Variants in SUPT3H observed in about 807,000 individuals in gnomAD.
SUPT3H encodes the protein transcription initiation protein SPT3 homolog.
Under a neutral mutation model 44.3 loss-of-function variants are expected in SUPT3H, and 44 were observed. The ratio of observed to expected loss-of-function variants is 0.99; its 90% CI spans 0.78 to 1.28. The LOEUF (loss-of-function observed/expected upper bound fraction) is 1.28, where lower values mean the gene tolerates loss of function less well. Ranked by LOEUF, SUPT3H falls within the 50% of genes most tolerant of loss-of-function variation. The pLI, the probability that SUPT3H is intolerant of heterozygous loss-of-function variation, is 0.00. For missense variants in SUPT3H, 380 were observed against 387.1 expected (o/e 0.98, Z 0.15); for synonymous variants, 124 against 125.6 (o/e 0.99, Z 0.09).
chr6:45,224,164 G>A (rs1201264654), intron 2 of SUPT3H, among the ~76,000 whole-genome samples: 5 of 151,476 alleles, frequency 3.3e-5, no homozygotes, highest in African/African-American at 1.2e-4. Flanking sequence ...AAATGTAAAT[G>A]TCATTAAAAC....
chr6:45,158,298 A>ATATATTTTTTT lies in SUPT3H; in HGVS notation c.102-52293_102-52292insAAAAAAATATA. 2.1e-3 allele frequency among the ~76,000 whole-genome samples: 205 copies of ATATATTTTTTT among 99,682 alleles called. 7 individuals carry two copies. Among genetic ancestry groups the ATATATTTTTTT allele is most frequent in the African/African-American group, 9.6e-3 (191 of 19,976 alleles). The allele number at this position is 99,682 out of a possible 152,430, so 65.4% of individuals were successfully genotyped here. ...TACATATATATATATATATATATAT[A>ATATATTTTTTT]TTTTTTTTTTTTTTTTTTTGAGATG... On this transcript the variant is annotated intron_variant, in intron 2 of 10. Transcript: ENST00000371459.
chr6:44,919,253 TG>T (rs1768272702), intron 10 of SUPT3H, among the ~76,000 whole-genome samples: 1 of 152,110 alleles, frequency 6.6e-6, no homozygotes, highest in South Asian at 2.1e-4. Flanking sequence ...AATAATGCCT[TG>T]GATCTTACCC....
At chr6:45,266,367 T>C (rs1775266726) in intron 2 of SUPT3H, among the ~76,000 whole-genome samples, 1 of 152,008 alleles carries the variant, frequency 6.6e-6, no homozygotes, top group South Asian at 2.1e-4. Context: ...AAATTTCTAA[T>C]GATTTCGTCA....
At chr6:44,855,532 G>C (rs984879659) in intron 10 of SUPT3H, among the ~76,000 whole-genome samples, 3 of 152,136 alleles carry the variant, frequency 2.0e-5, no homozygotes, top group Non-Finnish European at 4.4e-5. Flanking sequence ...GGTCTGAAAT[G>C]TGCCGTATTT....
intron 6 of SUPT3H, 120 bp downstream of exon 6, chr6:45,003,533 A>G: frequency 8.5e-7 from 1 of 1,179,460 alleles, no homozygotes; most frequent in Non-Finnish European, 1.2e-6. Flanking sequence ...CTGCCATCAG[A>G]CATAAAACCA....
chr6:45,322,051 T>A (rs969111364), intron 2 of SUPT3H, among the ~76,000 whole-genome samples: 3 of 152,116 alleles, frequency 2.0e-5, no homozygotes, highest in Non-Finnish European at 4.4e-5. Flanking sequence ...GAATCATGAA[T>A]AATTATCCAA....
intron 3 of SUPT3H, among the ~76,000 whole-genome samples, chr6:45,068,636 C>T (rs1793842200): frequency 6.6e-6 from 1 of 152,044 alleles, no homozygotes; most frequent in African/African-American, 2.4e-5. Context: ...AGTTTAGAAT[C>T]AATGTATATA....
At chr6:45,028,263 G>T (rs1468093503) in intron 3 of SUPT3H, among the ~76,000 whole-genome samples, 3 of 152,164 alleles carry the variant, frequency 2.0e-5, no homozygotes, top group Admixed American at 2.0e-4. Context: ...TGGCACAGGG[G>T]TAGCTAATGG....
intron 2 of SUPT3H, among the ~76,000 whole-genome samples, chr6:45,262,700 G>A (rs1383025580): frequency 6.6e-6 from 1 of 152,048 alleles, no homozygotes; most frequent in African/African-American, 2.4e-5. Flanking sequence ...ATTATCTGTA[G>A]AGCAAACAAT....
At chr6:45,124,437 C>T (rs1438514166) in intron 2 of SUPT3H, among the ~76,000 whole-genome samples, 5 of 151,646 alleles carry the variant, frequency 3.3e-5, no homozygotes, top group African/African-American at 4.8e-5. Flanking sequence ...TGAGGTCAGG[C>T]GTTCAAGACC....
intron 3 of SUPT3H, among the ~76,000 whole-genome samples, chr6:45,090,014 A>G (rs1388416628): frequency 6.6e-6 from 1 of 152,048 alleles, no homozygotes; most frequent in Non-Finnish European, 1.5e-5. Flanking sequence ...AACATTGCTC[A>G]TACAACTGGA....
intron 2 of SUPT3H, among the ~76,000 whole-genome samples, chr6:45,193,537 G>C (rs1300687797): frequency 6.6e-6 from 1 of 152,080 alleles, no homozygotes; most frequent in African/African-American, 2.4e-5. Flanking sequence ...ATTGAACAAA[G>C]TTGAGTAAAA....
chr6:45,200,490 C>G (rs1215135553), intron 2 of SUPT3H, among the ~76,000 whole-genome samples: 2 of 151,346 alleles, frequency 1.3e-5, no homozygotes, highest in African/African-American at 4.8e-5. Flanking sequence ...GATCCTAAAG[C>G]CTCATATTTT....
At chr6:45,150,719 C>CA (rs1806794709) in intron 2 of SUPT3H, among the ~76,000 whole-genome samples, 1 of 92,372 alleles carries the variant, frequency 1.1e-5, no homozygotes, top group East Asian at 3.0e-4. Context: ...CTTTATTCTG[C>CA]GTTTTTTTTT....
rs73738605 is a variant in SUPT3H, at chr6:45,126,629, A to C, written c.102-20623T>G. 6.0e-3 allele frequency among the ~76,000 whole-genome samples: 918 copies of C among 152,330 alleles called. 14 individuals are homozygous for C. Among genetic ancestry groups the C allele is most frequent in the African/African-American group, 0.021 (877 of 41,580 alleles). On this transcript the variant is annotated intron_variant, in intron 2 of 10. Coordinates refer to ENST00000371459, the MANE Select transcript of SUPT3H (RefSeq NM_003599.4). ...GGATTGATAATTAAGGGTTCCCCCAAAAGATATGAAGAACAGTGTTAGCGA... is the reference window on the plus strand; with the variant it reads ...GGATTGATAATTAAGGGTTCCCCCACAAGATATGAAGAACAGTGTTAGCGA...
chr6:45,208,744 A>C (rs1437551800), intron 2 of SUPT3H, among the ~76,000 whole-genome samples: 4 of 151,596 alleles, frequency 2.6e-5, no homozygotes, highest in Admixed American at 6.6e-5. Flanking sequence ...AAAACAAACA[A>C]AAAAATTCTC....
intron 5 of SUPT3H, among the ~76,000 whole-genome samples, chr6:45,008,673 TCA>T: frequency 6.6e-6 from 1 of 152,070 alleles, no homozygotes. Flanking sequence ...ATCTTTTTGA[TCA>T]CAGTCATCCT....
chr6:45,104,585 G>A (rs916710166), intron 3 of SUPT3H, among the ~76,000 whole-genome samples: 1 of 151,922 alleles, frequency 6.6e-6, no homozygotes, highest in Non-Finnish European at 1.5e-5. Context: ...TGTTCTAAAC[G>A]GAGTTGGCTC....
At chr6:45,204,242 G>A (rs146208669) in intron 2 of SUPT3H, among the ~76,000 whole-genome samples, 127 of 30,760 alleles carry the variant, frequency 4.1e-3, no homozygotes, top group African/African-American at 0.011. Context: ...GCAAGATTCC[G>A]TCTCAAAAAA....
Sources: gnomAD v4.1 joint callset for allele counts (sites outside exome capture counted in the v4.1 genomes callset) on GRCh38, gnomAD v4.1.1 for gene constraint, MANE v1.5 for transcripts, NCBI Gene and HGNC (gene_info 2026-07-23, HGNC 2026-07-21) for gene names.